ZNF267: variants seen among roughly 807,000 people sequenced by gnomAD.
ZNF267 encodes zinc finger (C2H2).
A neutral mutation model predicts 71.6 loss-of-function variants in ZNF267; 61 were observed. The observed-to-expected ratio is 0.85, with a 90% CI of 0.69 to 1.05. ZNF267 has a LOEUF of 1.05. Ranked by LOEUF, ZNF267 falls within the 50% of genes least tolerant of loss-of-function variation. The pLI, the probability that ZNF267 is intolerant of heterozygous loss-of-function variation, is 0.00. For missense variants in ZNF267, 852 were observed against 870.0 expected (o/e 0.98, Z 0.26); for synonymous variants, 288 against 293.2 (o/e 0.98, Z 0.18).
At chr16:31,878,161 C>T (rs895636861) in intron 1 of ZNF267, among the ~76,000 whole-genome samples, 3 of 152,150 alleles carry the variant, frequency 2.0e-5, no homozygotes, top group African/African-American at 7.2e-5. Context: ...AAACTCTACA[C>T]ATTTGATGTC....
At chr16:31,905,573 C>T (rs958341578) in intron 3 of ZNF267, among the ~76,000 whole-genome samples, 3 of 152,158 alleles carry the variant, frequency 2.0e-5, no homozygotes, top group African/African-American at 4.8e-5. Context: ...TCCAGTTGAT[C>T]GAATCGGCTA....
At chr16:31,902,196 G>A (rs961357329) in intron 3 of ZNF267, among the ~76,000 whole-genome samples, 9 of 152,150 alleles carry the variant, frequency 5.9e-5, no homozygotes, top group Admixed American at 5.2e-4. Flanking sequence ...GGTTACTGTA[G>A]CCTTGTAGTA....
chr16:31,916,083 G>T lies in ZNF267; in HGVS notation c.1834G>T (p.Ala612Ser). The T allele has an allele frequency of 1.2e-6, 2 of 1,614,116 alleles. No individual in the cohort carries two copies. The highest frequency in any genetic ancestry group is 1.7e-6 in the Non-Finnish European group (2 of 1,180,020). The change falls in exon 4 of 4, where the codon GCC becomes TCC. Residue 612 changes from alanine (A) to serine (S), a missense_variant. Ala to Ser is a moderately conservative substitution (Grantham distance 99). Coordinates refer to ENST00000300870, the MANE Select transcript of ZNF267 (RefSeq NM_003414.6). ...CTATACATGTAAAGAATGTGGCAAA[G>T]CCTTTAGTTATAGTTCAGATGTTAT... ...KPYTCKECGK[A>S]FSYSSDVIQH...
chr16:31,874,010 C>A, intron 1 of ZNF267, 41 bp downstream of exon 1: 1 of 1,597,630 alleles, frequency 6.3e-7, no homozygotes, highest in Non-Finnish European at 8.6e-7. Flanking sequence ...GGAGGGAGGG[C>A]GGTGGTCGGA....
chr16:31,903,434 G>C (rs2084059172), intron 3 of ZNF267, among the ~76,000 whole-genome samples: 1 of 152,088 alleles, frequency 6.6e-6, no homozygotes, highest in South Asian at 2.1e-4. Flanking sequence ...TTTTTGGTTG[G>C]TAAGCTATTA....
Position 31,873,907 on chromosome 16 carries a change from C to A in ZNF267, c.-60C>A, listed in dbSNP as rs957026129. 6.2e-7 allele frequency: 1 copy of A among 1,611,766 alleles called. No individual in the cohort carries two copies. Among genetic ancestry groups the A allele is most frequent in the South Asian group, 1.1e-5 (1 of 90,994 alleles). ...AATAAACAGAACCTCTGTTGCTCTG[C>A]GACTTGCAGGCACTGGGAGATTCGT... On this transcript the variant is annotated 5_prime_UTR_variant, in exon 1 of 4. Coordinates refer to ENST00000300870, the MANE Select transcript of ZNF267 (RefSeq NM_003414.6).
At chr16:31,886,808 A>C (rs1194784360) in intron 3 of ZNF267, among the ~76,000 whole-genome samples, 2 of 152,214 alleles carry the variant, frequency 1.3e-5, no homozygotes, top group African/African-American at 4.8e-5. Flanking sequence ...TATATTGTGA[A>C]TAATTGGCTA....
intron 3 of ZNF267, among the ~76,000 whole-genome samples, chr16:31,891,682 T>A (rs947351444): frequency 6.6e-6 from 1 of 152,226 alleles, no homozygotes; most frequent in Non-Finnish European, 1.5e-5. Context: ...TCTGCTGCCA[T>A]GTGAGATGTG....
Position 31,916,532 on chromosome 16 carries a change from G to A in ZNF267, c.*51G>A. 1 of 1,520,368 alleles carries A rather than the reference G, an allele frequency of 6.6e-7. No individual in the cohort carries two copies. 94.2% of individuals were successfully genotyped at this position (1,520,368 alleles called of 1,614,324 possible). A position where few individuals can be genotyped will look rare whatever the true frequency, so the allele number is the denominator to read the frequency against. Reference sequence around the variant, plus strand: ...TTACTTGTTACCCATGTCTTATTGTGCATCAGATAATTTATATGGGAGTGA... The same window carrying A: ...TTACTTGTTACCCATGTCTTATTGTACATCAGATAATTTATATGGGAGTGA... On this transcript the variant is annotated 3_prime_UTR_variant, in exon 4 of 4. Transcript: ENST00000300870.
intron 3 of ZNF267, chr16:31,914,229 C>G (rs2084155385): frequency 2.4e-6 from 1 of 416,892 alleles, no homozygotes; most frequent in South Asian, 4.9e-5. Context: ...CCCCGCCATG[C>G]AGATGCTGCT....
At chr16:31,879,505 A>T (rs1045959266) in intron 1 of ZNF267, among the ~76,000 whole-genome samples, 2 of 152,184 alleles carry the variant, frequency 1.3e-5, no homozygotes, top group Non-Finnish European at 2.9e-5. Context: ...TTTTTCAAAC[A>T]TTGCCCAGAA....
intron 1 of ZNF267, among the ~76,000 whole-genome samples, chr16:31,879,738 G>A (rs924930097): frequency 1.3e-5 from 2 of 152,182 alleles, no homozygotes; most frequent in Non-Finnish European, 2.9e-5. Context: ...GCATCAGTTA[G>A]CCATTCCAGC....
intron 3 of ZNF267, among the ~76,000 whole-genome samples, chr16:31,907,238 A>G (rs1029724572): frequency 3.9e-5 from 6 of 152,040 alleles, no homozygotes; most frequent in African/African-American, 1.2e-4. Flanking sequence ...TTCTCCATCA[A>G]ATTTGGAAAA....
intron 3 of ZNF267, among the ~76,000 whole-genome samples, chr16:31,907,762 C>T (rs1448742052): frequency 3.3e-5 from 5 of 151,746 alleles, no homozygotes; most frequent in Admixed American, 1.3e-4. Context: ...TATGGCTGGG[C>T]GCAGTGGCTC....
intron 3 of ZNF267, among the ~76,000 whole-genome samples, chr16:31,891,763 C>G (rs1407815511): frequency 1.3e-5 from 2 of 152,196 alleles, no homozygotes; most frequent in Non-Finnish European, 2.9e-5. Flanking sequence ...AAACCTCTTT[C>G]TTTTATAAAT....
At chr16:31,902,098 G>A (rs2084046128) in intron 3 of ZNF267, among the ~76,000 whole-genome samples, 11 of 152,146 alleles carry the variant, frequency 7.2e-5, no homozygotes, top group Admixed American at 7.2e-4. Flanking sequence ...AAGATCGGAT[G>A]GTTGTAGATA....
chr16:31,884,479 T>C lies in ZNF267; in HGVS notation c.4-19T>C. ...CTGCCATGGCCACATGGTCAGTGTA[T>C]TCTTTATTTTTATTTCAGGGACTGT... is the stretch of plus-strand genomic sequence containing the variant. On this transcript the variant is annotated intron_variant, in intron 1 of 3. Coordinates refer to ENST00000300870, the MANE Select transcript of ZNF267 (RefSeq NM_003414.6). 1 of 1,613,950 alleles carries C rather than the reference T, an allele frequency of 6.2e-7. No homozygotes were observed. Among genetic ancestry groups the C allele is most frequent in the Non-Finnish European group, 8.5e-7 (1 of 1,179,934 alleles).
At chr16:31,889,320 GTTC>G (rs1465593261) in intron 3 of ZNF267, among the ~76,000 whole-genome samples, 2 of 150,644 alleles carry the variant, frequency 1.3e-5, no homozygotes, top group African/African-American at 2.4e-5. Context: ...GGATTATTTT[GTTC>G]TTCTTGATCA....
chr16:31,907,729 C>T (rs1265083263), intron 3 of ZNF267, among the ~76,000 whole-genome samples: 2 of 151,964 alleles, frequency 1.3e-5, no homozygotes, highest in Non-Finnish European at 2.9e-5. Flanking sequence ...TATTGAGACC[C>T]TGTGTCTATA....
Sources: gnomAD v4.1 joint callset for allele counts (sites outside exome capture counted in the v4.1 genomes callset) on GRCh38, gnomAD v4.1.1 for gene constraint, MANE v1.5 for transcripts, NCBI Gene and HGNC (gene_info 2026-07-23, HGNC 2026-07-21) for gene names.